Variants in RHNO1 observed in about 807,000 individuals in gnomAD.
RHNO1 encodes RAD9-HUS1-RAD1 interacting nuclear orphan 1, also known as RAD9, HUS1, RAD1-interacting nuclear orphan protein 1.
In RHNO1, 9 loss-of-function variants were observed where a neutral mutation model predicts 7.2. The ratio of observed to expected loss-of-function variants is 1.25; its 90% CI spans 0.75 to 2.18. The LOEUF is 2.18. RHNO1 is among the 30% of genes most tolerant of loss of function. The probability of loss-of-function intolerance (pLI) is 0.00; values close to 1 mark genes in which losing one functional copy is unlikely to be tolerated. For missense variants in RHNO1, 292 were observed against 284.5 expected, an observed-to-expected ratio of 1.03 and a Z score of -0.19; for synonymous variants, 95 against 107.5, an observed-to-expected ratio of 0.88 and a Z score of 0.72.
chr12:2,879,732 A>G (rs1208876333), intron 1 of RHNO1, among the ~76,000 whole-genome samples: 1 of 151,752 alleles, frequency 6.6e-6, no homozygotes, highest in African/African-American at 2.4e-5. Context: ...TCTAAAATAT[A>G]TAAATATTGA....
Position 2,889,438 on chromosome 12 carries a change from T to C in RHNO1, c.*979T>C, listed in dbSNP as rs2153946586. 6.6e-6 allele frequency: 1 copy of C among 152,336 alleles called. No homozygotes were observed. The highest frequency in any genetic ancestry group is 1.9e-4 in the East Asian group (1 of 5,192). 9.4% of individuals were successfully genotyped at this position (152,336 alleles called of 1,614,324 possible). ...AATGAGTATTACTTATTGTAATTAA[T>C]GCAGAAGGACTTCCCCAGTCAACCG... On this transcript the variant is annotated 3_prime_UTR_variant, in exon 3 of 3. Coordinates refer to ENST00000489288, the MANE Select transcript of RHNO1 (RefSeq NM_001252499.3).
At position 2,885,278 on chromosome 12, in the gene RHNO1, TA is replaced by T; in HGVS notation, c.-84-4del. The T allele has an allele frequency of 8.5e-7, 1 of 1,170,084 alleles. No homozygotes were observed. The highest frequency in any genetic ancestry group is 1.2e-6 in the Non-Finnish European group (1 of 821,452). The allele number at this position is 1,170,084 out of a possible 1,614,324, so 72.5% of individuals were successfully genotyped here. On this transcript the variant is annotated splice_polypyrimidine_tract_variant and splice_region_variant and intron_variant, in intron 1 of 2. Transcript: ENST00000489288. The stretch of plus-strand genomic sequence containing the variant: ...TTGCTCCCAGCTTTTGTTTCTTCTC[TA>T]CAGGCATGGGTTGGAATTGGAGCCT...
intron 1 of RHNO1, among the ~76,000 whole-genome samples, chr12:2,884,723 A>G (rs1378667361): frequency 3.3e-5 from 5 of 151,522 alleles, no homozygotes; most frequent in Admixed American, 2.6e-4. Flanking sequence ...AGTTCTTGCC[A>G]TTTATCTTCT....
intron 1 of RHNO1, among the ~76,000 whole-genome samples, chr12:2,878,718 C>T (rs1183924408): frequency 6.6e-6 from 1 of 151,520 alleles, no homozygotes; most frequent in Non-Finnish European, 1.5e-5. Flanking sequence ...AAGAAGGAGA[C>T]AGAGAGAGTA....
At chr12:2,884,154 A>G (rs976516048) in intron 1 of RHNO1, among the ~76,000 whole-genome samples, 1 of 150,536 alleles carries the variant, frequency 6.6e-6, no homozygotes, top group Non-Finnish European at 1.5e-5. Flanking sequence ...TCCACCTCCC[A>G]GGTTCAAGCG....
upstream of RHNO1, chr12:2,876,455 C>G (rs1409697907): frequency 6.6e-6 from 1 of 152,270 alleles, no homozygotes; most frequent in African/African-American, 2.4e-5. Flanking sequence ...GACCCATCCC[C>G]ATCCTGAGCG....
rs1491305927 is a variant in RHNO1, at chr12:2,883,512, T to TATATATATATA, written c.-84-1771_-84-1770insATATATATATA. On this transcript the variant is annotated intron_variant, in intron 1 of 2. Coordinates refer to ENST00000489288, the MANE Select transcript of RHNO1 (RefSeq NM_001252499.3). ...ATATATATATATATATATATATATATTTTTTTTTTTTTTTTTTTTTTTGAG... is the reference window on the plus strand; with the variant it reads ...ATATATATATATATATATATATATATATATATATATATTTTTTTTTTTTTTTTTTTTTTGAG... 6.8e-3 allele frequency among the ~76,000 whole-genome samples: 149 copies of TATATATATATA among 22,008 alleles called. 4 individuals are homozygous for TATATATATATA. Among genetic ancestry groups the TATATATATATA allele is most frequent in the South Asian group, 0.01 (5 of 494 alleles). The allele number at this position is 22,008 out of a possible 152,430, so 14.4% of individuals were successfully genotyped here. A position where few individuals can be genotyped will look rare whatever the true frequency, so the allele number is the denominator to read the frequency against.
intron 1 of RHNO1, among the ~76,000 whole-genome samples, chr12:2,883,511 A>ATATATT (rs2098161542): frequency 6.0e-4 from 16 of 26,840 alleles, no homozygotes; most frequent in African/African-American, 2.0e-3. Context: ...ATATATATAT[A>ATATATT]TTTTTTTTTT....
chr12:2,877,439 C>G (rs1336081318), intron 1 of RHNO1, among the ~76,000 whole-genome samples, 157 bp downstream of exon 1: 1 of 152,172 alleles, frequency 6.6e-6, no homozygotes, highest in Admixed American at 6.5e-5. Flanking sequence ...CCCGCTTTTC[C>G]TGCCGCGCTG....
chr12:2,883,935 A>G (rs1407210640), intron 1 of RHNO1, among the ~76,000 whole-genome samples: 1 of 152,080 alleles, frequency 6.6e-6, no homozygotes, highest in African/African-American at 2.4e-5. Flanking sequence ...GGTCCATTAC[A>G]TTATTCAGTC....
chr12:2,886,655 CAAAAAAAAA>C (rs11441422), intron 2 of RHNO1, among the ~76,000 whole-genome samples: 1 of 95,358 alleles, frequency 1.0e-5, no homozygotes, highest in East Asian at 3.0e-4. Context: ...GACCCTGTCT[CAAAAAAAAA>C]AAAAAAAAAA....
At chr12:2,877,668 C>T (rs2098149308) in intron 1 of RHNO1, among the ~76,000 whole-genome samples, 1 of 152,162 alleles carries the variant, frequency 6.6e-6, no homozygotes, top group African/African-American at 2.4e-5. Context: ...ATGAACCCTA[C>T]CTCAGCGCGA....
At chr12:2,887,439 T>C (rs1393562433) in intron 2 of RHNO1, among the ~76,000 whole-genome samples, 1 of 147,070 alleles carries the variant, frequency 6.8e-6, no homozygotes, top group African/African-American at 2.5e-5. Context: ...GACCTGCCAT[T>C]GCACTCCAGC....
chr12:2,883,513 T>A (rs11062398), intron 1 of RHNO1, among the ~76,000 whole-genome samples: 307 of 19,830 alleles, frequency 0.015, no homozygotes, highest in Middle Eastern at 0.062. Context: ...ATATATATAT[T>A]TTTTTTTTTT....
chr12:2,888,199 A>G lies in RHNO1; in HGVS notation c.457A>G (p.Ile153Val), dbSNP rs1428227526. 2.5e-6 allele frequency: 4 copies of G among 1,614,142 alleles called. No individual in the cohort carries two copies. Among genetic ancestry groups the G allele is most frequent in the South Asian group, 1.1e-5 (1 of 91,082 alleles). Residue 153 changes from isoleucine to valine, a missense_variant, in exon 3 of 3, where the codon ATT becomes GTT. Transcript: ENST00000489288. ...QALQSLPYVF[I>V]PPDIQTPESS... Reference sequence around the variant, plus strand: ...ACTTCAGAGCTTACCTTATGTGTTCATTCCACCTGATATCCAGACCCCAGA... The same window carrying G: ...ACTTCAGAGCTTACCTTATGTGTTCGTTCCACCTGATATCCAGACCCCAGA...
chr12:2,878,442 T>A (rs1452854211), intron 1 of RHNO1, among the ~76,000 whole-genome samples: 2 of 151,882 alleles, frequency 1.3e-5, no homozygotes, highest in Admixed American at 1.3e-4. Flanking sequence ...TCGACCTGAA[T>A]GGAGTGTGGT....
chr12:2,886,978 G>C (rs1237221261), intron 2 of RHNO1: 4 of 455,788 alleles, frequency 8.8e-6, no homozygotes, highest in Non-Finnish European at 1.8e-5. Context: ...TTTGTTCCAG[G>C]CATTCTGCTA....
In RHNO1 at chr12:2,888,262, C is replaced by T; in HGVS notation, c.520C>T (p.Gln174Ter). 3 of 1,614,158 alleles carry T rather than the reference C, an allele frequency of 1.9e-6. No individual in the cohort carries two copies. The highest frequency in any genetic ancestry group is 2.5e-6 in the Non-Finnish European group (3 of 1,180,042). Reference protein sequence around the residue: ...SVKEELIPQDQKENSLLSCTL... With the variant: ...SVKEELIPQD ...GAAGGAAGAACTCATTCCCCAAGAT[C>T]AGAAGGAAAACAGCCTTCTAAGCTG... The change falls in exon 3 of 3, where the codon CAG (glutamine) becomes TAG (stop). Residue 174 changes from glutamine to a stop codon, truncating the protein, a stop_gained. Coordinates refer to ENST00000489288, the MANE Select transcript of RHNO1 (RefSeq NM_001252499.3). LOFTEE classifies it low-confidence loss of function (END_TRUNC).
upstream of RHNO1, chr12:2,876,477 C>CTACA (rs2098143830): frequency 6.6e-6 from 1 of 152,178 alleles, no homozygotes; most frequent in Non-Finnish European, 1.5e-5. Context: ...GGAAATCTTG[C>CTACA]TACATTCTCA....
Sources: allele counts gnomAD v4.1 joint callset (sites outside exome capture counted in the v4.1 genomes callset), GRCh38; gene constraint gnomAD v4.1.1; transcripts MANE v1.5; gene names NCBI Gene and HGNC (gene_info 2026-07-23, HGNC 2026-07-21).